The following MAP4K4 variants were observed in gnomAD, a reference collection of about 807,000 sequenced individuals.
MAP4K4 encodes the protein mitogen-activated protein kinase kinase kinase kinase 4.
A neutral mutation model predicts 189.6 loss-of-function variants in MAP4K4; 38 were observed. That is an observed-to-expected ratio of 0.20 (90% CI 0.15 to 0.26). The LOEUF is 0.26. Among genes scored for constraint, MAP4K4 ranks in the 10% least tolerant of loss-of-function variants. The probability of loss-of-function intolerance (pLI) is 1.00; values close to 1 mark genes in which losing one functional copy is unlikely to be tolerated. For synonymous variants in MAP4K4, 610 were observed against 624.3 expected, an observed-to-expected ratio of 0.98 and a Z score of 0.34; for missense variants, 1,054 against 1,726.9, an observed-to-expected ratio of 0.61 and a Z score of 6.91.
chr2:101,755,242 G>A (rs1434103884), intron 2 of MAP4K4, among the ~76,000 whole-genome samples: 5 of 151,236 alleles, frequency 3.3e-5, no homozygotes, highest in Admixed American at 3.3e-4. Context: ...TGTATTCTGG[G>A]CTAAAATTCT....
At chr2:101,860,625 T>C (rs1456460661) in intron 15 of MAP4K4, 200 bp from the exon 16 acceptor site, 4 of 501,046 alleles carry the variant, frequency 8.0e-6, no homozygotes, top group Non-Finnish European at 1.1e-5. Context: ...AATTTTTATC[T>C]TCATAAATAT....
intron 2 of MAP4K4, among the ~76,000 whole-genome samples, chr2:101,705,090 GT>G (rs1321626244): frequency 6.6e-6 from 1 of 152,136 alleles, no homozygotes; most frequent in Non-Finnish European, 1.5e-5. Context: ...ACAATGATAA[GT>G]TTTAGGACAT....
At position 101,887,722 on chromosome 2, in the gene MAP4K4, A is replaced by G. The variant is rs1168732388; in HGVS notation, c.3772-56A>G. On this transcript the variant is annotated intron_variant, in intron 30 of 32. Transcript: ENST00000324219. ...ACTAAGAGTCTTACTGAGCACTTGC[A>G]CAGGGCTGGAAATAACCACAGACGT... 2.5e-5 allele frequency: 37 copies of G among 1,453,346 alleles called. 1 individual carries two copies. The East Asian group carries it at 8.1e-4, about 32-fold the overall frequency. 90.0% of individuals were successfully genotyped at this position (1,453,346 alleles called of 1,614,324 possible). A position where few individuals can be genotyped will look rare whatever the true frequency, so the allele number is the denominator to read the frequency against.
At chr2:101,778,921 A>C (rs1024453137) in intron 2 of MAP4K4, among the ~76,000 whole-genome samples, 3 of 151,918 alleles carry the variant, frequency 2.0e-5, no homozygotes, top group Admixed American at 1.3e-4. Context: ...TCGGAATTCC[A>C]CCTCACCCCT....
At chr2:101,746,674 A>G (rs2065754328) in intron 2 of MAP4K4, among the ~76,000 whole-genome samples, 1 of 152,212 alleles carries the variant, frequency 6.6e-6, no homozygotes, top group Non-Finnish European at 1.5e-5. Flanking sequence ...ATTTAAGGAG[A>G]TTTTAAGCTC....
chr2:101,838,231 TG>T (rs1353906273), intron 9 of MAP4K4, among the ~76,000 whole-genome samples: 2 of 152,230 alleles, frequency 1.3e-5, no homozygotes, highest in Non-Finnish European at 2.9e-5. Flanking sequence ...TCAAAGTTTC[TG>T]GTCTGGGGAG....
At position 101,832,134 on chromosome 2, in the gene MAP4K4, A is replaced by G. The variant is rs894232492; in HGVS notation, c.639+283A>G. Among the ~76,000 whole-genome samples the G allele has an allele frequency of 2.0e-5, 3 of 152,198 alleles. No individual in the cohort carries two copies. The East Asian group carries it at 5.8e-4, about 29-fold the overall frequency. ...AACTTTTTGTTCCTATTTGCTATCC[A>G]TTTTTTAACTTGAAGAATATATTAG... On this transcript the variant is annotated intron_variant, in intron 7 of 32. Transcript: ENST00000324219.
At chr2:101,749,706 T>C (rs376350025) in intron 2 of MAP4K4, among the ~76,000 whole-genome samples, 1 of 148,274 alleles carries the variant, frequency 6.7e-6, no homozygotes, top group Non-Finnish European at 1.5e-5. Context: ...AAGAAACTAC[T>C]ATCAGAGTGA....
intron 29 of MAP4K4, among the ~76,000 whole-genome samples, 195 bp downstream of exon 29, chr2:101,885,482 A>G (rs544855847): frequency 4.3e-4 from 66 of 152,208 alleles, no homozygotes; most frequent in Non-Finnish European, 5.1e-4. Flanking sequence ...CCACAGTGAG[A>G]AGGAGAGAGA....
rs1400294694 is a variant in MAP4K4 at position 101,864,990 on chromosome 2, G to C, written c.2158G>C (p.Gly720Arg). ...GTCCCGTCGAGATTCCCCACTGCAG[G>C]GCAGTGGGCAGCAGAATAGCCAGGC... is the stretch of plus-strand genomic sequence containing the variant. Residue 720 changes from glycine (G) to arginine (R), a missense_variant, in exon 18 of 33, where the codon GGC (glycine) becomes CGC (arginine). Coordinates refer to ENST00000324219, the Ensembl canonical transcript of MAP4K4. 1 of 1,576,936 alleles carries C rather than the reference G, an allele frequency of 6.3e-7. No individual in the cohort carries two copies. Among genetic ancestry groups the C allele is most frequent in the Non-Finnish European group, 8.6e-7 (1 of 1,160,518 alleles).
intron 2 of MAP4K4, among the ~76,000 whole-genome samples, chr2:101,746,798 A>G (rs527575833): frequency 2.0e-5 from 3 of 151,844 alleles, no homozygotes; most frequent in Non-Finnish European, 2.9e-5. Context: ...CCCTTGACTT[A>G]GGTAGGTAGG....
chr2:101,797,889 G>GTTTTTTTTTTTTTTTTTTTTTTTT lies in MAP4K4; in HGVS notation c.180+7134_180+7135insTTTTTTTTTTTTTTTTTTTTTTTT. ...TGAAGCTTTTTAAAACATTCTTTTA[G>GTTTTTTTTTTTTTTTTTTTTTTTT]TTTTTTTTTTTTTTTTTTTTTGGAG... On this transcript the variant is annotated intron_variant, in intron 3 of 32. Transcript: ENST00000324219. Among the ~76,000 whole-genome samples, 24 of 52,326 alleles carry GTTTTTTTTTTTTTTTTTTTTTTTT rather than the reference G, an allele frequency of 4.6e-4. 2 individuals carry two copies. The highest frequency in any genetic ancestry group is 1.5e-3 in the East Asian group (2 of 1,330). The allele number at this position is 52,326 out of a possible 152,430, so 34.3% of individuals were successfully genotyped here. A position where few individuals can be genotyped will look rare whatever the true frequency, so the allele number is the denominator to read the frequency against.
chr2:101,748,760 C>G lies in MAP4K4; in HGVS notation c.124-41960C>G, dbSNP rs567538901. Among the ~76,000 whole-genome samples, 4 of 151,862 alleles carry G rather than the reference C, an allele frequency of 2.6e-5. No homozygotes were observed. The South Asian group carries it at 6.3e-4, about 24-fold the overall frequency. ...GACATGATTGTATATCTAGAAAACC[C>G]CGTTGTCTCAGCCCAAAATCTCCTT... On this transcript the variant is annotated intron_variant, in intron 2 of 32. Coordinates refer to ENST00000324219, the Ensembl canonical transcript of MAP4K4.
chr2:101,740,433 C>T (rs1409630486), intron 2 of MAP4K4, among the ~76,000 whole-genome samples: 5 of 151,374 alleles, frequency 3.3e-5, no homozygotes, highest in African/African-American at 4.9e-5. Context: ...GGATTACAGG[C>T]GTGAGCCACC....
intron 2 of MAP4K4, among the ~76,000 whole-genome samples, chr2:101,729,101 A>AGTGTGTGTGTGT (rs57635166): frequency 0.032 from 4,226 of 130,538 alleles, 95 homozygotes; most frequent in South Asian, 0.04. Flanking sequence ...AGAGAGAGAG[A>AGTGTGTGTGTGT]GTGTGTGTGT....
chr2:101,821,700 A>T, intron 3 of MAP4K4, among the ~76,000 whole-genome samples: 1 of 152,208 alleles, frequency 6.6e-6, no homozygotes, highest in Non-Finnish European at 1.5e-5. Flanking sequence ...CATTACTGGT[A>T]TACTTCATAA....
In MAP4K4 at chr2:101,811,349, C is replaced by T. The variant is rs369019124; in HGVS notation, c.181-12579C>T. The stretch of plus-strand genomic sequence containing the variant: ...TTTGCGCCACTGCATTCCAGCATGG[C>T]GACAGAGTGAGACTGCGTCTCAAAA... On this transcript the variant is annotated intron_variant, in intron 3 of 32. Transcript: ENST00000324219. Among the ~76,000 whole-genome samples the T allele has an allele frequency of 1.2e-4, 14 of 115,146 alleles. 1 individual carries two copies. In the South Asian group the frequency reaches 3.3e-3, roughly 27 times the overall value. The allele number at this position is 115,146 out of a possible 152,430, so 75.5% of individuals were successfully genotyped here.
chr2:101,763,342 A>G (rs770906406), intron 2 of MAP4K4, among the ~76,000 whole-genome samples: 16 of 152,226 alleles, frequency 1.1e-4, no homozygotes, highest in Non-Finnish European at 2.1e-4. Flanking sequence ...TGCAAAGAGA[A>G]AGAAAACACA....
chr2:101,838,308 A>G (rs1438418488), intron 9 of MAP4K4, among the ~76,000 whole-genome samples: 1 of 152,222 alleles, frequency 6.6e-6, no homozygotes, highest in Non-Finnish European at 1.5e-5. Flanking sequence ...GGGTCTTAGA[A>G]CTATCTCTGT....
Sources: allele counts gnomAD v4.1 joint callset (sites outside exome capture counted in the v4.1 genomes callset), GRCh38; gene constraint gnomAD v4.1.1; transcripts MANE v1.5; gene names NCBI Gene and HGNC (gene_info 2026-07-23, HGNC 2026-07-21).